Variants in ATG16L1 observed in about 807,000 individuals in gnomAD.
ATG16L1 encodes the protein autophagy related 16 like 1.
In ATG16L1, 37 loss-of-function variants were observed where a neutral mutation model predicts 88.5. The ratio of observed to expected loss-of-function variants is 0.42; its 90% confidence interval spans 0.32 to 0.55. The LOEUF (loss-of-function observed/expected upper bound fraction) is 0.55. ATG16L1 is among the 20% of genes least tolerant of loss of function. The probability of loss-of-function intolerance (pLI) is 0.13; values close to 1 mark genes in which losing one functional copy is unlikely to be tolerated. For missense variants in ATG16L1, 554 were observed against 752.8 expected (o/e 0.74, Z 3.09); for synonymous variants, 301 against 281.0 (o/e 1.07, Z -0.71).
intron 5 of ATG16L1, among the ~76,000 whole-genome samples, chr2:233,266,861 A>C (rs1026104443): frequency 6.6e-6 from 1 of 152,262 alleles, no homozygotes; most frequent in African/African-American, 2.4e-5. Context: ...CAGTATATTA[A>C]GTGAAATAAG....
chr2:233,264,507 C>G (rs1349806345), intron 4 of ATG16L1, among the ~76,000 whole-genome samples: 1 of 152,106 alleles, frequency 6.6e-6, no homozygotes, highest in East Asian at 1.9e-4. Context: ...GACCTTGGAG[C>G]TGGGGTAGCG....
At chr2:233,265,982 A>G (rs1697543249) in intron 5 of ATG16L1, 1 of 152,200 alleles carries the variant, frequency 6.6e-6, no homozygotes, top group African/African-American at 2.4e-5. Flanking sequence ...TCAACCGTCT[A>G]TATACACTCT....
chr2:233,272,898 C>A, intron 6 of ATG16L1, 68 bp from the exon 7 acceptor site: 1 of 1,349,700 alleles, frequency 7.4e-7, no homozygotes, highest in Non-Finnish European at 1.1e-6. Flanking sequence ...ATGACATTAG[C>A]ATTTGCGGAA....
At chr2:233,275,966 G>A (rs769107531) in intron 9 of ATG16L1, 42 of 519,072 alleles carry the variant, frequency 8.1e-5, no homozygotes, top group Non-Finnish European at 1.6e-4. Flanking sequence ...AGTCATGGGT[G>A]TGATGGTGCA....
At chr2:233,254,393 T>C (rs1696631946) in intron 1 of ATG16L1, among the ~76,000 whole-genome samples, 1 of 152,198 alleles carries the variant, frequency 6.6e-6, no homozygotes, top group African/African-American at 2.4e-5. Context: ...TATTATAGTT[T>C]GTGAAACACC....
chr2:233,273,732 C>T lies in ATG16L1; in HGVS notation c.806C>T (p.Ser269Leu), dbSNP rs757511801. The change falls in exon 8 of 18, where the codon TCG becomes TTG. Residue 269 changes from serine (S) to leucine (L), a missense_variant. Transcript: ENST00000392017. ...AISRAATKRL[S>L]QPAGGLLDSI... ...CCCCTCCTCTTTAGTAAGCGACTCT[C>T]GCAGCCTGCTGGAGGCCTTCTGGAT... is the stretch of plus-strand genomic sequence containing the variant. The T allele has an allele frequency of 5.6e-6, 9 of 1,614,054 alleles. No homozygotes were observed. The highest frequency in any genetic ancestry group is 1.3e-5 in the African/African-American group (1 of 74,918).
chr2:233,275,539 G>A (rs1056577250), intron 9 of ATG16L1: 25 of 354,154 alleles, frequency 7.1e-5, no homozygotes, highest in Non-Finnish European at 1.3e-4. Flanking sequence ...TTATATGGTG[G>A]GAGCTTTGGG....
intron 4 of ATG16L1, among the ~76,000 whole-genome samples, chr2:233,264,280 G>A (rs1252915722): frequency 1.3e-5 from 2 of 152,172 alleles, no homozygotes; most frequent in African/African-American, 4.8e-5. Context: ...CATCCTCCTA[G>A]GGATGTCACC....
chr2:233,288,148 G>T (rs1326889815), intron 12 of ATG16L1, among the ~76,000 whole-genome samples: 1 of 152,178 alleles, frequency 6.6e-6, no homozygotes, highest in Non-Finnish European at 1.5e-5. Flanking sequence ...GGCAGTCTGA[G>T]AACTCATACA....
chr2:233,261,189 T>G (rs964501214), intron 2 of ATG16L1, among the ~76,000 whole-genome samples: 46 of 152,252 alleles, frequency 3.0e-4, no homozygotes, highest in Non-Finnish European at 5.3e-4. Flanking sequence ...TCTCCTGACC[T>G]CGTGATCCGC....
intron 12 of ATG16L1, 98 bp from the exon 13 acceptor site, chr2:233,289,756 A>T: frequency 6.6e-7 from 1 of 1,506,800 alleles, no homozygotes; most frequent in South Asian, 1.1e-5. Flanking sequence ...GGGTGGTCTG[A>T]CACTCTGACT....
intron 7 of ATG16L1, 40 bp from the exon 8 acceptor site, chr2:233,273,681 A>G: frequency 1.9e-6 from 3 of 1,597,660 alleles, no homozygotes; most frequent in Non-Finnish European, 2.6e-6. Context: ...TTTGGGCAAA[A>G]TGTTTCTAAG....
chr2:233,293,307 C>A lies in ATG16L1; in HGVS notation c.1680C>A (p.Ile560=), dbSNP rs530476087. The A allele has an allele frequency of 5.8e-4, 936 of 1,614,194 alleles. 12 individuals are homozygous for A. In the South Asian group the frequency reaches 9.5e-3, roughly 16 times the overall value. Residue 560 remains isoleucine (I), a synonymous_variant, in exon 17 of 18, where the codon ATC becomes ATA. Transcript: ENST00000392017. ...AAGSAEGSLY[I]WSVLTGKVEK... is the part of the protein sequence containing the mutation. ...GCTCTGCTGAGGGCTCTCTGTATAT[C>A]TGGAGTGTGCTCACAGGGAAAGTGG...
intron 9 of ATG16L1, chr2:233,275,789 A>C: frequency 1.9e-6 from 1 of 519,240 alleles, no homozygotes; most frequent in Non-Finnish European, 3.8e-6. Flanking sequence ...TGTTGCCCTC[A>C]ACTCCCAGCA....
intron 8 of ATG16L1, chr2:233,274,463 A>G (rs189546223): frequency 1.6e-4 from 80 of 493,676 alleles, no homozygotes; most frequent in Admixed American, 5.5e-4. Context: ...AGTGTGCAGG[A>G]GAGTAAGGCA....
chr2:233,269,550 G>A (rs1320325119), intron 5 of ATG16L1, among the ~76,000 whole-genome samples: 2 of 152,210 alleles, frequency 1.3e-5, no homozygotes, highest in Non-Finnish European at 2.9e-5. Flanking sequence ...TTTATATCAT[G>A]TTTATGCAAA....
rs765368054 is a variant in ATG16L1, at chr2:233,295,305, A to C, written c.*955A>C. On this transcript the variant is annotated 3_prime_UTR_variant, in exon 18 of 18. Transcript: ENST00000392017. Reference sequence around the variant, plus strand: ...GTTGTGATGAAGGCCAAGGAAAAACATTTATCTTTACTATTTTACCTACGT... The same window carrying C: ...GTTGTGATGAAGGCCAAGGAAAAACCTTTATCTTTACTATTTTACCTACGT... 8 of 152,782 alleles carry C rather than the reference A, an allele frequency of 5.2e-5. No homozygotes were observed. The highest frequency in any genetic ancestry group is 7.3e-5 in the Non-Finnish European group (5 of 68,036). 9.5% of individuals were successfully genotyped at this position (152,782 alleles called of 1,614,324 possible).
At chr2:233,264,307 G>T (rs1043209140) in intron 4 of ATG16L1, among the ~76,000 whole-genome samples, 1 of 152,326 alleles carries the variant, frequency 6.6e-6, no homozygotes, top group African/African-American at 2.4e-5. Context: ...CTTGCAAGTG[G>T]CCCAGAGACA....
At chr2:233,294,181 C>T (rs1475602613) in intron 17 of ATG16L1, 76 bp from the exon 18 acceptor site, 2 of 1,217,160 alleles carry the variant, frequency 1.6e-6, no homozygotes, top group Admixed American at 2.4e-5. Context: ...AATGCACAAG[C>T]TTCTGGTGTT....
Sources: gnomAD v4.1 joint callset for allele counts (sites outside exome capture counted in the v4.1 genomes callset) on GRCh38, gnomAD v4.1.1 for gene constraint, MANE v1.5 for transcripts, NCBI Gene and HGNC (gene_info 2026-07-23, HGNC 2026-07-21) for gene names.